The following GABRG3 variants were observed in gnomAD, a reference collection of about 807,000 sequenced individuals.
GABRG3 encodes the protein gamma-aminobutyric acid receptor subunit gamma-3.
A neutral mutation model predicts 48.8 loss-of-function variants in GABRG3; 25 were observed. The observed-to-expected ratio is 0.51, with a 90% CI of 0.37 to 0.72. GABRG3 has a LOEUF of 0.72. Among genes scored for constraint, GABRG3 ranks in the 30% least tolerant of loss-of-function variants. The pLI, the probability that GABRG3 is intolerant of heterozygous loss-of-function variation, is 0.00. For synonymous variants in GABRG3, 227 were observed against 217.6 expected, an observed-to-expected ratio of 1.04 and a Z score of -0.38; for missense variants, 394 against 577.9, an observed-to-expected ratio of 0.68 and a Z score of 3.26.
intron 5 of GABRG3, among the ~76,000 whole-genome samples, chr15:27,360,581 A>G (rs1894987781): frequency 6.6e-6 from 1 of 152,122 alleles, no homozygotes. Context: ...AGCATTCCCC[A>G]ATCCGAGATG....
chr15:27,364,413 T>A (rs541067416), intron 5 of GABRG3: 1 of 152,436 alleles, frequency 6.6e-6, no homozygotes, highest in East Asian at 1.9e-4. Context: ...TGTTGCCTGA[T>A]AACAAGTGGT....
intron 5 of GABRG3, among the ~76,000 whole-genome samples, chr15:27,386,242 G>A (rs1450337217): frequency 6.6e-6 from 1 of 152,154 alleles, no homozygotes. Flanking sequence ...AACTGCTTGA[G>A]TGAGTTTGTT....
chr15:27,465,574 G>A (rs927273415), intron 5 of GABRG3, among the ~76,000 whole-genome samples: 15 of 152,310 alleles, frequency 9.8e-5, no homozygotes, highest in Admixed American at 7.8e-4. Context: ...AAGGCCAGAT[G>A]ATTTCGTGAC....
intron 5 of GABRG3, among the ~76,000 whole-genome samples, chr15:27,441,992 G>T (rs1055095317): frequency 2.0e-5 from 3 of 152,112 alleles, no homozygotes; most frequent in Non-Finnish European, 4.4e-5. Context: ...AGCAGTGGTG[G>T]GGCTTACACT....
In GABRG3 at chr15:27,032,970, C is replaced by T. The variant is rs568348819; in HGVS notation, c.270+6149C>T. Among the ~76,000 whole-genome samples, 5 of 151,714 alleles carry T rather than the reference C, an allele frequency of 3.3e-5. No homozygotes were observed. The South Asian group carries it at 1.1e-3, about 32-fold the overall frequency. ...CAACTGAGGGCCTGGAATGTGTCAA[C>T]ACCAAAAAATGGCTGAAAATACAGC... On this transcript the variant is annotated intron_variant, in intron 3 of 9. Coordinates refer to ENST00000615808, the MANE Select transcript of GABRG3 (RefSeq NM_033223.5).
At chr15:27,162,055 A>G (rs1278484609) in intron 3 of GABRG3, among the ~76,000 whole-genome samples, 2 of 152,146 alleles carry the variant, frequency 1.3e-5, no homozygotes, top group African/African-American at 2.4e-5. Flanking sequence ...AATTTATGCA[A>G]TAAAACTGAT....
intron 3 of GABRG3, among the ~76,000 whole-genome samples, chr15:27,111,991 G>A (rs1270639145): frequency 6.6e-6 from 1 of 152,122 alleles, no homozygotes; most frequent in Non-Finnish European, 1.5e-5. Context: ...GGACCAGGAG[G>A]GGATCTATTT....
At chr15:27,297,098 A>T (rs574009950) in intron 3 of GABRG3, among the ~76,000 whole-genome samples, 2 of 152,254 alleles carry the variant, frequency 1.3e-5, no homozygotes, top group East Asian at 1.9e-4. Flanking sequence ...AGATTTAAAA[A>T]TTTTAAAATA....
intron 3 of GABRG3, among the ~76,000 whole-genome samples, chr15:27,257,748 C>T (rs975673357): frequency 6.6e-6 from 1 of 151,958 alleles, no homozygotes; most frequent in Admixed American, 6.6e-5. Context: ...TCGTAGCTCA[C>T]TGCAGGGCTC....
intron 5 of GABRG3, among the ~76,000 whole-genome samples, chr15:27,439,285 A>T (rs1018410493): frequency 5.9e-5 from 9 of 152,344 alleles, no homozygotes; most frequent in Non-Finnish European, 8.8e-5. Context: ...TTTTCTGGTT[A>T]AAAAGTAGAG....
rs183175043 is a variant in GABRG3, at chr15:27,540,293, G to T, written c.*7412G>T. The T allele has an allele frequency of 5.3e-5, 8 of 151,776 alleles. No individual in the cohort carries two copies. Among genetic ancestry groups the T allele is most frequent in the African/African-American group, 1.9e-4 (8 of 41,362 alleles). The allele number at this position is 151,776 out of a possible 1,614,324, so 9.4% of individuals were successfully genotyped here. On this transcript the variant is annotated 3_prime_UTR_variant, in exon 10 of 10. Transcript: ENST00000615808. ...TCTTTTTTTTTCCGTTTTTACCTTAGTTGGCTATTTTATTCCTTTTCGTAA... is the reference window on the plus strand; with the variant it reads ...TCTTTTTTTTTCCGTTTTTACCTTATTTGGCTATTTTATTCCTTTTCGTAA...
chr15:27,133,178 A>C (rs933107078), intron 3 of GABRG3, among the ~76,000 whole-genome samples: 2 of 152,142 alleles, frequency 1.3e-5, no homozygotes, highest in Non-Finnish European at 2.9e-5. Flanking sequence ...TAAACTATAG[A>C]GAAAAGTGAA....
chr15:27,497,519 G>A (rs999775011), intron 6 of GABRG3, among the ~76,000 whole-genome samples: 5 of 152,190 alleles, frequency 3.3e-5, no homozygotes, highest in Non-Finnish European at 5.9e-5. Context: ...TTTCGCCTTG[G>A]AAAAAATTTG....
intron 5 of GABRG3, among the ~76,000 whole-genome samples, chr15:27,425,656 A>G (rs1034047193): frequency 1.3e-5 from 2 of 152,052 alleles, no homozygotes; most frequent in Non-Finnish European, 2.9e-5. Flanking sequence ...TGTATTTCAT[A>G]AAGCCTAAAA....
At chr15:27,269,902 A>G (rs1427214681) in intron 3 of GABRG3, among the ~76,000 whole-genome samples, 12 of 152,312 alleles carry the variant, frequency 7.9e-5, no homozygotes, top group Non-Finnish European at 2.9e-5. Flanking sequence ...TTAAGTTTTA[A>G]GAATCTTGGG....
At position 27,146,793 on chromosome 15, in the gene GABRG3, T is replaced by C. The variant is rs572642954; in HGVS notation, c.270+119972T>C. 6.6e-5 allele frequency among the ~76,000 whole-genome samples: 10 copies of C among 152,104 alleles called. No individual in the cohort carries two copies. The East Asian group carries it at 1.9e-3, about 29-fold the overall frequency. The stretch of plus-strand genomic sequence containing the variant: ...AACTAAGAAAATAACTAAAAAATAA[T>C]GTAGTAAAAGAAAGGACAAGGGGAT... On this transcript the variant is annotated intron_variant, in intron 3 of 9. Coordinates refer to ENST00000615808, the MANE Select transcript of GABRG3 (RefSeq NM_033223.5).
intron 2 of GABRG3, among the ~76,000 whole-genome samples, chr15:26,986,391 T>A (rs1895151540): frequency 6.6e-6 from 1 of 152,152 alleles, no homozygotes; most frequent in South Asian, 2.1e-4. Flanking sequence ...ACCTGTCATC[T>A]CCAGGAGAGA....
chr15:27,102,873 C>T lies in GABRG3; in HGVS notation c.270+76052C>T, dbSNP rs184305652. Among the ~76,000 whole-genome samples, 54 of 152,226 alleles carry T rather than the reference C, an allele frequency of 3.5e-4. 1 individual carries two copies. The highest frequency in any genetic ancestry group is 1.1e-3 in the African/African-American group (46 of 41,550). ...TCCATAGTACTCCCCCAAGTACCAC[C>T]GGCATTAAAAACTAACCATGTCTTA... On this transcript the variant is annotated intron_variant, in intron 3 of 9. Transcript: ENST00000615808.
At chr15:27,388,082 GA>G (rs1340185631) in intron 5 of GABRG3, among the ~76,000 whole-genome samples, 5 of 80,770 alleles carry the variant, frequency 6.2e-5, no homozygotes, top group East Asian at 5.4e-4. Context: ...AGGAAGGAAG[GA>G]AAGGAGGGAG....
Sources: gnomAD v4.1 joint callset for allele counts (sites outside exome capture counted in the v4.1 genomes callset) on GRCh38, gnomAD v4.1.1 for gene constraint, MANE v1.5 for transcripts, NCBI Gene and HGNC (gene_info 2026-07-23, HGNC 2026-07-21) for gene names.